CCDC38: variants seen among roughly 807,000 people sequenced by gnomAD.
CCDC38 encodes the protein coiled-coil domain containing 38, also known as coiled-coil domain-containing protein 38.
In CCDC38, 69 loss-of-function variants were observed where a neutral mutation model predicts 72.8. The observed-to-expected ratio is 0.95, with a 90% CI of 0.78 to 1.16. The LOEUF is 1.16. Among genes scored for constraint, CCDC38 ranks in the 50% most tolerant of loss-of-function variants. CCDC38 has a pLI of 0.00. For missense variants in CCDC38, 626 were observed against 638.9 expected (o/e 0.98, Z 0.22); for synonymous variants, 201 against 213.2 (o/e 0.94, Z 0.50).
At chr12:95,900,608 T>C (rs2079940113) in intron 5 of CCDC38, among the ~76,000 whole-genome samples, 1 of 152,196 alleles carries the variant, frequency 6.6e-6, no homozygotes, top group Non-Finnish European at 1.5e-5. Context: ...TCTATTTCTT[T>C]CTGCATATAG....
chr12:95,870,585 T>C (rs1057088154), intron 14 of CCDC38, among the ~76,000 whole-genome samples: 2 of 152,214 alleles, frequency 1.3e-5, no homozygotes, highest in Non-Finnish European at 2.9e-5. Context: ...GTATCACTGC[T>C]AAAAATGAGT....
rs774557592 is a variant in CCDC38 at position 95,890,886 on chromosome 12, ACTC to A, written c.814_816del (p.Glu272del). The A allele has an allele frequency of 6.2e-7, 1 of 1,607,184 alleles. No individual in the cohort carries two copies. Among genetic ancestry groups the A allele is most frequent in the Admixed American group, 1.7e-5 (1 of 59,696 alleles). Reference sequence around the variant, plus strand: ...TCTGAAAGGACAGCTGTCCTCCCGGACTCCTCAAGGATGCCTTCCTTGTTACTT... The same window carrying A: ...TCTGAAAGGACAGCTGTCCTCCCGGACTCAAGGATGCCTTCCTTGTTACTT... On this transcript the variant is annotated inframe_deletion, in exon 9 of 16. Transcript: ENST00000344280.
chr12:95,904,653 A>G (rs1017835559), intron 5 of CCDC38, among the ~76,000 whole-genome samples: 2 of 152,214 alleles, frequency 1.3e-5, no homozygotes, highest in Non-Finnish European at 2.9e-5. Flanking sequence ...AATGAGCTTC[A>G]GTGTCTAGAG....
chr12:95,929,545 C>T lies in CCDC38; in HGVS notation c.37+6928G>A, dbSNP rs12385821. Among the ~76,000 whole-genome samples the T allele has an allele frequency of 4.1e-3, 625 of 152,248 alleles. 5 individuals are homozygous for T. The highest frequency in any genetic ancestry group is 0.014 in the African/African-American group (591 of 41,536). ...GCTGTAGACGGGAGCTGTTCCTATT[C>T]GGCCATCTTGGCTCCTCCCCTGCAA... is the stretch of plus-strand genomic sequence containing the variant. On this transcript the variant is annotated intron_variant, in intron 2 of 15. Coordinates refer to ENST00000344280, the MANE Select transcript of CCDC38 (RefSeq NM_182496.3).
chr12:95,931,639 G>A (rs56255582), intron 2 of CCDC38, among the ~76,000 whole-genome samples: 14,242 of 152,210 alleles, frequency 0.094, 1,192 homozygotes, highest in East Asian at 0.46. Context: ...TAGTGTTTTA[G>A]GCACTGATGT....
At chr12:95,934,357 T>G (rs1043842247) in intron 2 of CCDC38, 3 of 152,134 alleles carry the variant, frequency 2.0e-5, no homozygotes, top group Non-Finnish European at 4.4e-5. Context: ...AATATATAAT[T>G]GTATTAATCT....
chr12:95,889,942 C>T (rs1436123), intron 9 of CCDC38, among the ~76,000 whole-genome samples: 75,587 of 151,704 alleles, frequency 0.5, 19,280 homozygotes, highest in East Asian at 0.62. Flanking sequence ...GGTCTCACTC[C>T]GTTACCCGGG....
chr12:95,943,115 A>C, upstream of CCDC38: 1 of 387,880 alleles, frequency 2.6e-6, no homozygotes, highest in Non-Finnish European at 4.6e-6. Context: ...CCTTATCTGA[A>C]AAGTAGGGAC....
In CCDC38 at chr12:95,918,959, A is replaced by G. The variant is rs931522356; in HGVS notation, c.55T>C (p.Ser19Pro). 5 of 1,607,630 alleles carry G rather than the reference A, an allele frequency of 3.1e-6. No individual in the cohort carries two copies. The highest frequency in any genetic ancestry group is 4.3e-6 in the Non-Finnish European group (5 of 1,174,494). ...LNSGGKVKDG[S>P]TKEDRPYKIF... ...TTATAAGGCCTGTCCTCTTTGGTTG[A>G]GCCATCTTTTACTTTACCTGTTAAA... Residue 19 changes from serine to proline, a missense_variant, in exon 3 of 16, where the codon TCA becomes CCA. Physicochemically the swap from Ser to Pro is moderately conservative, Grantham distance 74. Transcript: ENST00000344280.
chr12:95,924,483 G>A (rs2080246493), intron 2 of CCDC38, among the ~76,000 whole-genome samples: 2 of 143,462 alleles, frequency 1.4e-5, no homozygotes, highest in African/African-American at 2.6e-5. Context: ...CTCCCATTTT[G>A]TAGGTTGCCT....
In CCDC38 at chr12:95,878,344, T is replaced by C; in HGVS notation, c.1145A>G (p.Asn382Ser). ...CTCCAAAAGAAACTCTATGTTGCTA[T>C]TTCTATTACAAAAGAAGAAAGAGAC... ...KREKVIQDKT[N>S]SNIEFLLEQE... Residue 382 changes from asparagine to serine, a missense_variant and splice_region_variant, in exon 13 of 16, where the codon AAT becomes AGT. Coordinates refer to ENST00000344280, the MANE Select transcript of CCDC38 (RefSeq NM_182496.3). 6.2e-7 allele frequency: 1 copy of C among 1,607,766 alleles called. No individual in the cohort carries two copies. Among genetic ancestry groups the C allele is most frequent in the South Asian group, 1.1e-5 (1 of 89,774 alleles).
chr12:95,881,333 ATATC>A (rs2079697658), intron 11 of CCDC38, 148 bp downstream of exon 11: 2 of 340,582 alleles, frequency 5.9e-6, no homozygotes, highest in South Asian at 3.0e-5. Flanking sequence ...GATAGATTAT[ATATC>A]CAATTGGAGA....
rs774794021 is a variant in CCDC38 at position 95,898,782 on chromosome 12, A to T, written c.370-51T>A. 2.7e-5 allele frequency: 42 copies of T among 1,556,246 alleles called. 1 individual carries two copies. In the Admixed American group the frequency reaches 7.6e-4, roughly 28 times the overall value. ...AAAAACATGATTCCACATTTTTAGT[A>T]ATTTCAACAGTCTTATACACAGCAA... On this transcript the variant is annotated intron_variant, in intron 5 of 15. Coordinates refer to ENST00000344280, the MANE Select transcript of CCDC38 (RefSeq NM_182496.3).
intron 3 of CCDC38, 24 bp downstream of exon 3, chr12:95,918,852 G>A: frequency 1.4e-6 from 2 of 1,443,308 alleles, no homozygotes; most frequent in Non-Finnish European, 2.0e-6. Context: ...ATTAATTGGG[G>A]TTGTGATTTT....
intron 5 of CCDC38, among the ~76,000 whole-genome samples, chr12:95,900,601 A>C (rs1353104526): frequency 2.6e-5 from 4 of 152,112 alleles, no homozygotes; most frequent in Non-Finnish European, 5.9e-5. Flanking sequence ...TTTTGGATCT[A>C]TTTCTTTCTG....
At chr12:95,928,418 G>A (rs1485563667) in intron 2 of CCDC38, among the ~76,000 whole-genome samples, 2 of 152,032 alleles carry the variant, frequency 1.3e-5, no homozygotes, top group African/African-American at 2.4e-5. Context: ...CTCTGTATTG[G>A]TTATTCTAGT....
At chr12:95,894,916 T>TA (rs1219310166) in intron 8 of CCDC38, 73 bp downstream of exon 8, 11 of 1,220,216 alleles carry the variant, frequency 9.0e-6, no homozygotes, top group South Asian at 4.6e-5. Flanking sequence ...TCTATTTAGA[T>TA]AAAAAACATT....
chr12:95,897,558 C>T (rs963536131), intron 7 of CCDC38, among the ~76,000 whole-genome samples: 6 of 143,706 alleles, frequency 4.2e-5, no homozygotes, highest in South Asian at 4.3e-4. Context: ...TTCAGTGAGC[C>T]GAGATCATGC....
chr12:95,892,901 A>T (rs1171259443), intron 8 of CCDC38, among the ~76,000 whole-genome samples: 1 of 152,152 alleles, frequency 6.6e-6, no homozygotes. Context: ...AGTGGGACCC[A>T]TATCTGGTCC....
Sources: allele counts gnomAD v4.1 joint callset (sites outside exome capture counted in the v4.1 genomes callset), GRCh38; gene constraint gnomAD v4.1.1; transcripts MANE v1.5; gene names NCBI Gene and HGNC (gene_info 2026-07-23, HGNC 2026-07-21).